Variants in LRRC8D observed in about 807,000 individuals in gnomAD.
LRRC8D encodes the protein leucine rich repeat containing 8 VRAC subunit D, also known as volume-regulated anion channel subunit LRRC8D.
LRRC8D carries 20 observed loss-of-function variants against 55.8 expected under a neutral mutation model. The ratio of observed to expected loss-of-function variants is 0.36; its 90% CI spans 0.25 to 0.52. The LOEUF is 0.52. Ranked by LOEUF, LRRC8D falls within the 20% of genes least tolerant of loss-of-function variation. The probability of loss-of-function intolerance (pLI) is 0.93; values close to 1 mark genes in which losing one functional copy is unlikely to be tolerated. For synonymous variants in LRRC8D, 352 were observed against 377.0 expected, an observed-to-expected ratio of 0.93 and a Z score of 0.77; for missense variants, 651 against 1,030.8, an observed-to-expected ratio of 0.63 and a Z score of 5.05.
chr1:89,898,224 A>G (rs1344191), intron 2 of LRRC8D, among the ~76,000 whole-genome samples: 1 of 152,238 alleles, frequency 6.6e-6, no homozygotes, highest in Non-Finnish European at 1.5e-5. Context: ...TGAGGCCACC[A>G]CATTTATCAA....
chr1:89,912,402 AC>A lies in LRRC8D; in HGVS notation c.-2-20659del, dbSNP rs536204055. On this transcript the variant is annotated intron_variant, in intron 2 of 2. Coordinates refer to ENST00000337338, the MANE Select transcript of LRRC8D (RefSeq NM_001134479.2). ...CCCATCCTTCAATTTTCCAACCCTC[AC>A]CCCCCACCCCCACCCTTTGGTGTTC... Among the ~76,000 whole-genome samples, 483 of 105,072 alleles carry A rather than the reference AC, an allele frequency of 4.6e-3. 4 individuals are homozygous for A. The highest frequency in any genetic ancestry group is 0.017 in the African/African-American group (459 of 27,712). 68.9% of individuals were successfully genotyped at this position (105,072 alleles called of 152,430 possible).
At chr1:89,833,726 C>G (rs558286789) in intron 1 of LRRC8D, 2 of 152,286 alleles carry the variant, frequency 1.3e-5, no homozygotes, top group Admixed American at 1.3e-4. Context: ...GTGAGCTGAC[C>G]AGCAAGTCCT....
At chr1:89,883,927 C>G (rs1662343888) in intron 2 of LRRC8D, among the ~76,000 whole-genome samples, 1 of 152,186 alleles carries the variant, frequency 6.6e-6, no homozygotes, top group Non-Finnish European at 1.5e-5. Flanking sequence ...CAAACAAACA[C>G]CCACTGCCAG....
chr1:89,933,359 C>T lies in LRRC8D; in HGVS notation c.291C>T (p.Asp97=). The T allele has an allele frequency of 1.2e-6, 2 of 1,614,176 alleles. No individual in the cohort carries two copies. Among genetic ancestry groups the T allele is most frequent in the South Asian group, 1.1e-5 (1 of 91,084 alleles). ...ACCAAGATGGGCGGACAACAAACGACATTTCCTTTGGGACATCTGCTGTGA... is the reference window on the plus strand; with the variant it reads ...ACCAAGATGGGCGGACAACAAACGATATTTCCTTTGGGACATCTGCTGTGA... ...NQDQDGRTTN[D]ISFGTSAVTP... Residue 97 remains aspartate, a synonymous_variant, in exon 3 of 3, where the codon GAC becomes GAT. Coordinates refer to ENST00000337338, the MANE Select transcript of LRRC8D (RefSeq NM_001134479.2). The surrounding 1 kb of genome is among the most constrained non-coding windows in gnomAD (Gnocchi z 7.0).
intron 1 of LRRC8D, among the ~76,000 whole-genome samples, chr1:89,842,008 C>T (rs1661144810): frequency 6.6e-6 from 1 of 151,834 alleles, no homozygotes. Context: ...GTCAGGAGAT[C>T]GAGATCATCC....
At chr1:89,828,763 AT>A (rs1418516073) in intron 1 of LRRC8D, among the ~76,000 whole-genome samples, 1 of 151,718 alleles carries the variant, frequency 6.6e-6, no homozygotes, top group Non-Finnish European at 1.5e-5. Context: ...TTCTTAAAAC[AT>A]TTTTTTCTTT....
intron 2 of LRRC8D, among the ~76,000 whole-genome samples, chr1:89,926,007 T>A (rs748808967): frequency 3.3e-5 from 5 of 152,242 alleles, no homozygotes; most frequent in Non-Finnish European, 7.3e-5. Flanking sequence ...ATTTGTAGTT[T>A]CTCTAACGCA....
chr1:89,846,261 C>G (rs1453074044), intron 2 of LRRC8D, among the ~76,000 whole-genome samples: 1 of 151,830 alleles, frequency 6.6e-6, no homozygotes, highest in African/African-American at 2.4e-5. Flanking sequence ...ACTCAGAAAT[C>G]ATAACTGGCC....
intron 1 of LRRC8D, among the ~76,000 whole-genome samples, chr1:89,822,569 T>TA (rs1660665482): frequency 6.6e-6 from 1 of 152,188 alleles, no homozygotes. Context: ...GAGCACCTAT[T>TA]ACGTGGTTTG....
chr1:89,877,354 C>CA (rs1430630496), intron 2 of LRRC8D, among the ~76,000 whole-genome samples: 2 of 152,072 alleles, frequency 1.3e-5, no homozygotes, highest in African/African-American at 4.8e-5. Context: ...TCCTCATTGG[C>CA]AAAACAAGGA....
intron 2 of LRRC8D, among the ~76,000 whole-genome samples, chr1:89,915,158 A>T (rs571517118): frequency 9.7e-4 from 147 of 152,286 alleles, no homozygotes; most frequent in African/African-American, 3.4e-3. Context: ...CAGATTTGGT[A>T]AAGTCTATGA....
At chr1:89,907,081 A>T (rs1663013499) in intron 2 of LRRC8D, among the ~76,000 whole-genome samples, 1 of 151,468 alleles carries the variant, frequency 6.6e-6, no homozygotes, top group Admixed American at 6.6e-5. Context: ...GCATTTACTC[A>T]TGCAGGAAGG....
At chr1:89,833,013 T>A (rs1660922566) in intron 1 of LRRC8D, among the ~76,000 whole-genome samples, 1 of 152,178 alleles carries the variant, frequency 6.6e-6, no homozygotes, top group Non-Finnish European at 1.5e-5. Flanking sequence ...CCAAGGTCAT[T>A]ACAGGAAGTG....
At chr1:89,932,111 A>G (rs1663718394) in intron 2 of LRRC8D, among the ~76,000 whole-genome samples, 1 of 152,208 alleles carries the variant, frequency 6.6e-6, no homozygotes, top group African/African-American at 2.4e-5. Context: ...TTATTTGTAT[A>G]AACTAGTTCC....
At chr1:89,822,239 C>G (rs1660653871) in intron 1 of LRRC8D, 2 of 152,800 alleles carry the variant, frequency 1.3e-5, no homozygotes, top group South Asian at 2.1e-4. Flanking sequence ...GGAGCACGCA[C>G]TTGGGGTGTG....
chr1:89,886,516 A>G (rs1360618108), intron 2 of LRRC8D, among the ~76,000 whole-genome samples: 1 of 152,170 alleles, frequency 6.6e-6, no homozygotes, highest in Non-Finnish European at 1.5e-5. Flanking sequence ...GTTGGCATTC[A>G]TTTATTGTAA....
intron 2 of LRRC8D, among the ~76,000 whole-genome samples, chr1:89,848,588 C>T (rs4658142): frequency 0.3 from 45,567 of 151,924 alleles, 7,904 homozygotes; most frequent in Middle Eastern, 0.42. Flanking sequence ...AAAGAAATTA[C>T]TTCCTATCTA....
chr1:89,903,490 C>T (rs1662914377), intron 2 of LRRC8D, among the ~76,000 whole-genome samples: 1 of 152,200 alleles, frequency 6.6e-6, no homozygotes, highest in Non-Finnish European at 1.5e-5. Flanking sequence ...CACAGTATCA[C>T]ATTGCCACAT....
intron 2 of LRRC8D, among the ~76,000 whole-genome samples, chr1:89,845,777 CT>C (rs146264330): frequency 0.022 from 3,151 of 146,096 alleles, 89 homozygotes; most frequent in African/African-American, 0.073. Flanking sequence ...TTTGCAGCTA[CT>C]TTTTTTTTTT....
Sources: allele counts gnomAD v4.1 joint callset (sites outside exome capture counted in the v4.1 genomes callset), GRCh38; gene constraint gnomAD v4.1.1; non-coding constraint Gnocchi (gnomAD v3.1); transcripts MANE v1.5; gene names NCBI Gene and HGNC (gene_info 2026-07-23, HGNC 2026-07-21).